Variants in PRH1 observed in about 807,000 individuals in gnomAD.
PRH1 encodes the protein salivary acidic proline-rich phosphoprotein 1/2.
In PRH1, 7 loss-of-function variants were observed where a neutral mutation model predicts 7.9. The observed-to-expected ratio is 0.89, with a 90% CI of 0.50 to 1.67. The LOEUF (loss-of-function observed/expected upper bound fraction) is 1.67. PRH1 is among the 40% of genes most tolerant of loss of function. The probability of loss-of-function intolerance (pLI) is 0.00; values close to 1 mark genes in which losing one functional copy is unlikely to be tolerated. For synonymous variants in PRH1, 45 were observed against 80.8 expected (o/e 0.56, Z 2.38); for missense variants, 109 against 223.6 (o/e 0.49, Z 3.27).
intron 1 of PRH1, chr12:11,021,635 T>G: frequency 6.4e-7 from 1 of 1,563,460 alleles, no homozygotes; most frequent in Non-Finnish European, 8.7e-7. Context: ...ATGCTCCCCT[T>G]GTGAATCTAT....
intron 1 of PRH1, among the ~76,000 whole-genome samples, chr12:11,147,946 A>G (rs2136415470): frequency 6.7e-6 from 1 of 149,260 alleles, no homozygotes; most frequent in East Asian, 2.0e-4. Context: ...ATTTGTTTGT[A>G]TCCTCTTTTA....
At chr12:10,922,877 G>A (rs1181954087) in intron 2 of PRH1, among the ~76,000 whole-genome samples, 3 of 126,840 alleles carry the variant, frequency 2.4e-5, no homozygotes, top group East Asian at 2.4e-4. Context: ...GCCGGACTGC[G>A]GACTGCAGTG....
chr12:11,157,926 T>C (rs1947303415), intron 1 of PRH1, among the ~76,000 whole-genome samples: 1 of 152,224 alleles, frequency 6.6e-6, no homozygotes, highest in South Asian at 2.1e-4. Context: ...AGAGTTCATT[T>C]TGTCTGGAGA....
chr12:10,909,174 G>A (rs1211717627), intron 2 of PRH1: 2 of 1,613,872 alleles, frequency 1.2e-6, no homozygotes, highest in South Asian at 2.2e-5. Flanking sequence ...ATCGACTGAG[G>A]ACAGCTCTCT....
chr12:11,018,746 A>G (rs1327054000), intron 1 of PRH1, among the ~76,000 whole-genome samples: 3 of 152,238 alleles, frequency 2.0e-5, no homozygotes, highest in African/African-American at 7.2e-5. Flanking sequence ...CCACGTGGGC[A>G]TCCTTTCCAC....
At chr12:11,083,792 T>C (rs67186755) in intron 1 of PRH1, among the ~76,000 whole-genome samples, 33,282 of 95,008 alleles carry the variant, frequency 0.35, 3,284 homozygotes, top group Non-Finnish European at 0.43. Flanking sequence ...ATTAAAAATA[T>C]ATTTTTGTAA....
intron 2 of PRH1, among the ~76,000 whole-genome samples, chr12:10,911,399 A>G (rs1189385953): frequency 6.6e-6 from 1 of 152,210 alleles, no homozygotes; most frequent in East Asian, 1.9e-4. Context: ...AAAAATATAA[A>G]TTTAATCAAA....
rs189160291 is a variant in PRH1, at chr12:10,975,333, T to C, written c.-125-1612A>G. On this transcript the variant is annotated intron_variant, in intron 1 of 3. Transcript: ENST00000539853. ...TCGTATCCACCCAAACTAAGCTTCATAAGTGAAGGGGAAATAAGATCTTTT... is the reference window on the plus strand; with the variant it reads ...TCGTATCCACCCAAACTAAGCTTCACAAGTGAAGGGGAAATAAGATCTTTT... 2.6e-5 allele frequency among the ~76,000 whole-genome samples: 4 copies of C among 152,264 alleles called. No homozygotes were observed. The East Asian group carries it at 5.8e-4, about 22-fold the overall frequency.
At position 11,059,037 on chromosome 12, in the gene PRH1, A is replaced by G. The variant is rs574358658; in HGVS notation, n.124-11849T>C. ...GTGGGCATGAGGTCTGACTTTCACA[A>G]CCTCCACCTAGGGACTGGATGATGG... On this transcript the variant is annotated intron_variant and non_coding_transcript_variant, in intron 1 of 4. Coordinates refer to the PRH1 transcript ENST00000541977. Among the ~76,000 whole-genome samples the G allele has an allele frequency of 5.3e-5, 8 of 152,220 alleles. No individual in the cohort carries two copies. In the East Asian group the frequency reaches 9.7e-4, roughly 18 times the overall value.
chr12:10,964,715 C>T (rs1323661635), intron 2 of PRH1: 2 of 656,532 alleles, frequency 3.0e-6, no homozygotes, highest in African/African-American at 1.8e-5. Context: ...AGATCCTTTG[C>T]CATGGAACTG....
At chr12:11,157,342 A>G (rs1947283348) in intron 1 of PRH1, among the ~76,000 whole-genome samples, 1 of 152,170 alleles carries the variant, frequency 6.6e-6, no homozygotes, top group Non-Finnish European at 1.5e-5. Context: ...CCATCTTATA[A>G]CATGGCTTAA....
At chr12:11,106,434 C>T (rs1309695436) in intron 1 of PRH1, among the ~76,000 whole-genome samples, 1 of 152,128 alleles carries the variant, frequency 6.6e-6, no homozygotes, top group Non-Finnish European at 1.5e-5. Context: ...ATTTTTCAAA[C>T]TTATCTCTCA....
At position 11,020,363 on chromosome 12, in the gene PRH1, G is replaced by GATAGATATATAT. The variant is rs1941545034; in HGVS notation, c.-126+26656_-126+26657insATATATATCTAT. 5.7e-5 allele frequency among the ~76,000 whole-genome samples: 5 copies of GATAGATATATAT among 87,584 alleles called. 1 individual carries two copies. The highest frequency in any genetic ancestry group is 1.6e-4 in the African/African-American group (4 of 25,724). 57.5% of individuals were successfully genotyped at this position (87,584 alleles called of 152,430 possible). ...GTACTAGGGAGGACGTATGATAAGC[G>GATAGATATATAT]ATATATATATATATATATATATATA... On this transcript the variant is annotated intron_variant, in intron 1 of 3. Coordinates refer to the PRH1 transcript ENST00000539853.
chr12:10,960,528 C>A (rs573487716), intron 2 of PRH1, among the ~76,000 whole-genome samples: 2 of 152,280 alleles, frequency 1.3e-5, no homozygotes, highest in South Asian at 2.1e-4. Context: ...AAATCTACAC[C>A]CTTTGTGAGA....
At chr12:10,979,893 A>G (rs1434950150) in intron 1 of PRH1, among the ~76,000 whole-genome samples, 1 of 152,188 alleles carries the variant, frequency 6.6e-6, no homozygotes, top group Non-Finnish European at 1.5e-5. Flanking sequence ...TCATTAACAA[A>G]AGGAAAGACT....
At chr12:10,980,347 C>A (rs547101429) in intron 1 of PRH1, among the ~76,000 whole-genome samples, 2 of 152,100 alleles carry the variant, frequency 1.3e-5, no homozygotes, top group African/African-American at 4.8e-5. Context: ...TAATGATTAT[C>A]CCCTGCCTAT....
At chr12:11,154,250 C>T (rs1296392261) in intron 1 of PRH1, among the ~76,000 whole-genome samples, 2 of 152,066 alleles carry the variant, frequency 1.3e-5, no homozygotes, top group Non-Finnish European at 2.9e-5. Context: ...AACTGAAATA[C>T]ATTAAAAGAG....
In PRH1 at chr12:11,012,468, AT is replaced by A. The variant is rs375103886; in HGVS notation, c.-126+34551del. ...TATAGTATATGTATAACTGCTTTCA[AT>A]TTTACATGTTCAGTGCAGGCAGGAA... is the stretch of plus-strand genomic sequence containing the variant. On this transcript the variant is annotated intron_variant, in intron 1 of 3. Transcript: ENST00000539853. Among the ~76,000 whole-genome samples the A allele has an allele frequency of 4.3e-3, 655 of 152,232 alleles. 5 individuals carry two copies. The highest frequency in any genetic ancestry group is 0.015 in the African/African-American group (633 of 41,552).
At chr12:10,946,004 C>T (rs1322622518) in intron 2 of PRH1, among the ~76,000 whole-genome samples, 1 of 152,114 alleles carries the variant, frequency 6.6e-6, no homozygotes, top group South Asian at 2.1e-4. Flanking sequence ...TTATCCTGTT[C>T]TTTTTTCAAG....
Sources: gnomAD v4.1 joint callset for allele counts (sites outside exome capture counted in the v4.1 genomes callset) on GRCh38, gnomAD v4.1.1 for gene constraint, MANE v1.5 for transcripts, NCBI Gene and HGNC (gene_info 2026-07-23, HGNC 2026-07-21) for gene names.